NRXN3: variants seen among roughly 807,000 people sequenced by gnomAD.
NRXN3 encodes neurexin III.
Under a neutral mutation model 137.6 loss-of-function variants are expected in NRXN3, and 32 were observed. The ratio of observed to expected loss-of-function variants is 0.23; its 90% CI spans 0.18 to 0.31. The LOEUF is 0.31. NRXN3 is among the 10% of genes least tolerant of loss of function. The pLI, the probability that NRXN3 is intolerant of heterozygous loss-of-function variation, is 1.00. For missense variants in NRXN3, 1,574 were observed against 2,062.5 expected (o/e 0.76, Z 4.59); for synonymous variants, 798 against 784.5 (o/e 1.02, Z -0.29).
intron 15 of NRXN3, among the ~76,000 whole-genome samples, chr14:79,046,164 A>T (rs1214617802): frequency 6.6e-6 from 1 of 152,162 alleles, no homozygotes; most frequent in Admixed American, 6.5e-5. Context: ...CACCTTTTGC[A>T]TTTCTGAAAG....
At chr14:79,706,606 C>CTGTG (rs1455434294) in intron 19 of NRXN3, among the ~76,000 whole-genome samples, 5 of 152,128 alleles carry the variant, frequency 3.3e-5, no homozygotes, top group Middle Eastern at 6.8e-3. Flanking sequence ...TCTGTAAACA[C>CTGTG]TGTGTTCAAA....
intron 15 of NRXN3, among the ~76,000 whole-genome samples, chr14:79,076,398 G>A (rs1319799702): frequency 1.3e-5 from 2 of 152,188 alleles, no homozygotes; most frequent in Non-Finnish European, 2.9e-5. Context: ...CCATAAGGCT[G>A]CAACCGAGGT....
chr14:79,282,199 G>A (rs953895873), intron 15 of NRXN3, among the ~76,000 whole-genome samples: 5 of 152,002 alleles, frequency 3.3e-5, no homozygotes, highest in Non-Finnish European at 7.4e-5. Context: ...AGCTCCTAAG[G>A]GGGAGAGGGA....
chr14:78,661,036 T>C (rs1430581151), intron 6 of NRXN3, among the ~76,000 whole-genome samples: 1 of 152,248 alleles, frequency 6.6e-6, no homozygotes, highest in African/African-American at 2.4e-5. Context: ...TTTTGAAACC[T>C]AGTTGGTGGT....
At chr14:78,546,522 A>G (rs2096637946) in intron 4 of NRXN3, among the ~76,000 whole-genome samples, 1 of 152,140 alleles carries the variant, frequency 6.6e-6, no homozygotes, top group Non-Finnish European at 1.5e-5. Flanking sequence ...TAACTTTCAC[A>G]TCTTCTAATT....
chr14:79,132,119 A>G (rs2057606455), intron 15 of NRXN3, among the ~76,000 whole-genome samples: 1 of 152,228 alleles, frequency 6.6e-6, no homozygotes, highest in African/African-American at 2.4e-5. Context: ...TCAGATGGAA[A>G]TGCAGAAATT....
At chr14:78,835,167 C>G (rs1050539469) in intron 10 of NRXN3, among the ~76,000 whole-genome samples, 1 of 151,986 alleles carries the variant, frequency 6.6e-6, no homozygotes, top group Non-Finnish European at 1.5e-5. Context: ...GAGAGAGAAC[C>G]GGCAAAGGGA....
chr14:79,622,700 G>T (rs2098237784), intron 16 of NRXN3, among the ~76,000 whole-genome samples: 1 of 152,034 alleles, frequency 6.6e-6, no homozygotes, highest in African/African-American at 2.4e-5. Context: ...AGGTTCAAGG[G>T]ATTCTCCTGC....
chr14:78,355,635 G>A (rs187801772), intron 4 of NRXN3, among the ~76,000 whole-genome samples: 20 of 152,308 alleles, frequency 1.3e-4, no homozygotes, highest in Non-Finnish European at 2.2e-4. Context: ...GGCCAGGCTG[G>A]TCTTGAACTG....
At chr14:79,092,593 G>A (rs547827255) in intron 15 of NRXN3, among the ~76,000 whole-genome samples, 1 of 152,276 alleles carries the variant, frequency 6.6e-6, no homozygotes, top group East Asian at 1.9e-4. Context: ...GTAGAAATAT[G>A]TAAGTTCCAT....
intron 15 of NRXN3, among the ~76,000 whole-genome samples, chr14:79,202,903 G>A (rs1222331213): frequency 2.6e-5 from 4 of 152,088 alleles, no homozygotes; most frequent in Admixed American, 2.6e-4. Flanking sequence ...ACCCAGTAGT[G>A]GCATTGCTGG....
chr14:79,376,550 C>G (rs1377542948), intron 15 of NRXN3, among the ~76,000 whole-genome samples: 1 of 151,980 alleles, frequency 6.6e-6, no homozygotes, highest in African/African-American at 2.4e-5. Context: ...TCAAACAGTT[C>G]CCTTTGAAGG....
chr14:78,966,734 C>A lies in NRXN3; in HGVS notation c.2777+328C>A, dbSNP rs1036646114. On this transcript the variant is annotated intron_variant, in intron 12 of 20. Transcript: ENST00000335750. ...GCATCTAATTCTTGAGTATTACTAA[C>A]TACAACCACCCAATTTATACCAAAA... 5.9e-5 allele frequency among the ~76,000 whole-genome samples: 9 copies of A among 152,202 alleles called. 1 individual carries two copies. The highest frequency in any genetic ancestry group is 5.9e-4 in the Admixed American group (9 of 15,278).
chr14:78,842,177 A>T (rs2099014375), intron 10 of NRXN3, among the ~76,000 whole-genome samples: 1 of 152,142 alleles, frequency 6.6e-6, no homozygotes, highest in Non-Finnish European at 1.5e-5. Flanking sequence ...CCATATATTT[A>T]GATATTTATT....
chr14:78,689,890 C>T (rs2098156193), intron 6 of NRXN3, among the ~76,000 whole-genome samples: 1 of 151,658 alleles, frequency 6.6e-6, no homozygotes, highest in Non-Finnish European at 1.5e-5. Context: ...CTCTGCCCTT[C>T]CTTCTGGCTG....
At chr14:78,922,837 G>A (rs938676852) in intron 10 of NRXN3, among the ~76,000 whole-genome samples, 23 of 152,246 alleles carry the variant, frequency 1.5e-4, no homozygotes, top group Admixed American at 1.5e-3. Context: ...TGCATGTCCT[G>A]TACATGTATC....
chr14:79,809,438 C>G (rs2099223550), intron 20 of NRXN3, among the ~76,000 whole-genome samples: 1 of 152,128 alleles, frequency 6.6e-6, no homozygotes, highest in Non-Finnish European at 1.5e-5. Flanking sequence ...TGTGCCTGGC[C>G]AAAACCTACA....
intron 15 of NRXN3, chr14:79,072,253 C>A (rs1369927730): frequency 3.9e-5 from 6 of 152,112 alleles, no homozygotes; most frequent in African/African-American, 1.2e-4. Context: ...ACATAGCTAC[C>A]AATATATGCT....
Position 78,741,327 on chromosome 14 carries a change from G to A in NRXN3, c.2044+26188G>A, listed in dbSNP as rs531727695. ...AGATATGATGGAAGCGAAGAACGAA[G>A]TGGACTCTTCAGCTCAATGGAAAGG... On this transcript the variant is annotated intron_variant, in intron 8 of 20. Coordinates refer to ENST00000335750, the MANE Select transcript of NRXN3 (RefSeq NM_001330195.2). 3.3e-5 allele frequency among the ~76,000 whole-genome samples: 5 copies of A among 152,264 alleles called. No homozygotes were observed. The East Asian group carries it at 9.7e-4, about 29-fold the overall frequency.
Sources: allele counts gnomAD v4.1 joint callset (sites outside exome capture counted in the v4.1 genomes callset), GRCh38; gene constraint gnomAD v4.1.1; transcripts MANE v1.5; gene names NCBI Gene and HGNC (gene_info 2026-07-23, HGNC 2026-07-21).